Variants in SORCS3 observed in about 807,000 individuals in gnomAD.
SORCS3 encodes the protein sortilin related VPS10 domain containing receptor 3, also known as VPS10 domain-containing receptor SorCS3.
In SORCS3, 57 loss-of-function variants were observed where a neutral mutation model predicts 146.3. That is an observed-to-expected ratio of 0.39 (90% CI 0.31 to 0.49). The LOEUF (loss-of-function observed/expected upper bound fraction) is 0.49. Ranked by LOEUF, SORCS3 falls within the 20% of genes least tolerant of loss-of-function variation. The pLI, the probability that SORCS3 is intolerant of heterozygous loss-of-function variation, is 0.92. For missense variants in SORCS3, 1,341 were observed against 1,575.5 expected (o/e 0.85, Z 2.52); for synonymous variants, 653 against 618.5 (o/e 1.06, Z -0.83).
chr10:104,935,630 AG>A (rs2133614060), intron 3 of SORCS3, among the ~76,000 whole-genome samples: 1 of 152,168 alleles, frequency 6.6e-6, no homozygotes, highest in Admixed American at 6.5e-5. Flanking sequence ...AAGCATTGCA[AG>A]TCACAAGAGG....
intron 1 of SORCS3, among the ~76,000 whole-genome samples, chr10:104,760,235 A>C (rs2017104604): frequency 6.6e-6 from 1 of 152,198 alleles, no homozygotes; most frequent in African/African-American, 2.4e-5. Flanking sequence ...TCAGGGCCAG[A>C]CTGTGAACTT....
chr10:104,902,520 T>C (rs1370261662), intron 2 of SORCS3, among the ~76,000 whole-genome samples: 1 of 152,254 alleles, frequency 6.6e-6, no homozygotes, highest in Non-Finnish European at 1.5e-5. Context: ...ACTTTTTTCC[T>C]TGGCTTCTGC....
At chr10:105,108,712 A>C (rs1483663306) in intron 7 of SORCS3, among the ~76,000 whole-genome samples, 1 of 151,812 alleles carries the variant, frequency 6.6e-6, no homozygotes, top group East Asian at 2.0e-4. Context: ...AATAAACTTG[A>C]GAAAAACATT....
At chr10:104,867,814 G>A (rs1327475918) in intron 2 of SORCS3, among the ~76,000 whole-genome samples, 1 of 152,208 alleles carries the variant, frequency 6.6e-6, no homozygotes, top group Non-Finnish European at 1.5e-5. Flanking sequence ...AGTGAAGATA[G>A]TGTTTGCTGT....
At chr10:105,039,100 T>G (rs1313193204) in intron 4 of SORCS3, among the ~76,000 whole-genome samples, 1 of 152,208 alleles carries the variant, frequency 6.6e-6, no homozygotes, top group Non-Finnish European at 1.5e-5. Flanking sequence ...GTTCAGTTCC[T>G]AGAGCATAGT....
chr10:104,974,288 A>T (rs1345251671), intron 3 of SORCS3, among the ~76,000 whole-genome samples: 2 of 152,158 alleles, frequency 1.3e-5, no homozygotes, highest in South Asian at 4.1e-4. Flanking sequence ...TAATGTTGAC[A>T]GTGGGGTGTT....
At chr10:105,026,591 T>C (rs1404144196) in intron 4 of SORCS3, among the ~76,000 whole-genome samples, 1 of 152,168 alleles carries the variant, frequency 6.6e-6, no homozygotes, top group Non-Finnish European at 1.5e-5. Flanking sequence ...GTCCATCAAC[T>C]GTGGACTGGA....
chr10:104,966,506 TA>T (rs2054827131), intron 3 of SORCS3, among the ~76,000 whole-genome samples: 1 of 152,196 alleles, frequency 6.6e-6, no homozygotes, highest in Non-Finnish European at 1.5e-5. Flanking sequence ...TTTTTATATT[TA>T]GAGAAAAGTC....
chr10:105,167,635 T>C (rs2056324905), intron 13 of SORCS3, among the ~76,000 whole-genome samples: 1 of 152,084 alleles, frequency 6.6e-6, no homozygotes, highest in Non-Finnish European at 1.5e-5. Context: ...CCAAGATCAG[T>C]AATCCAAAAT....
At chr10:105,004,671 A>G (rs574172704) in intron 4 of SORCS3, among the ~76,000 whole-genome samples, 35 of 152,280 alleles carry the variant, frequency 2.3e-4, no homozygotes, top group South Asian at 2.1e-3. Flanking sequence ...TAATGCAGCC[A>G]TATGGGTGAG....
intron 1 of SORCS3, among the ~76,000 whole-genome samples, chr10:104,718,359 C>A (rs937619338): frequency 2.6e-5 from 4 of 152,074 alleles, no homozygotes; most frequent in African/African-American, 9.7e-5. Context: ...CTCACCCTTA[C>A]AATGATGAAC....
chr10:105,181,365 T>G (rs1199849633), intron 14 of SORCS3, among the ~76,000 whole-genome samples: 2 of 152,130 alleles, frequency 1.3e-5, no homozygotes, highest in African/African-American at 4.8e-5. Context: ...CAGAGCAGAC[T>G]GCATATGTGT....
chr10:104,846,880 G>A (rs1414423687), intron 2 of SORCS3, among the ~76,000 whole-genome samples: 4 of 152,184 alleles, frequency 2.6e-5, no homozygotes, highest in Admixed American at 2.0e-4. Flanking sequence ...AGTTACCTGG[G>A]TCATAAGGCT....
At chr10:105,168,712 C>T (rs1000946049) in intron 13 of SORCS3, among the ~76,000 whole-genome samples, 2 of 152,154 alleles carry the variant, frequency 1.3e-5, no homozygotes, top group African/African-American at 4.8e-5. Context: ...AGGATTCTCT[C>T]AATTTGACCA....
At chr10:104,667,023 G>A (rs905934635) in intron 1 of SORCS3, among the ~76,000 whole-genome samples, 6 of 152,098 alleles carry the variant, frequency 3.9e-5, no homozygotes, top group African/African-American at 1.4e-4. Flanking sequence ...AGAGAGAAGA[G>A]AGAGAATATG....
At chr10:105,077,760 T>A (rs790737) in intron 5 of SORCS3, among the ~76,000 whole-genome samples, 114,307 of 152,056 alleles carry the variant, frequency 0.75, 43,129 homozygotes, top group East Asian at 0.84. Flanking sequence ...CCAATCCTAA[T>A]GTCTGGGAAA....
chr10:105,046,370 G>A (rs2055371500), intron 5 of SORCS3, among the ~76,000 whole-genome samples: 1 of 152,076 alleles, frequency 6.6e-6, no homozygotes, highest in Non-Finnish European at 1.5e-5. Flanking sequence ...GATCCTTCAT[G>A]AGTGTCCGGT....
chr10:105,177,449 T>C (rs375233019), intron 13 of SORCS3, among the ~76,000 whole-genome samples: 36 of 152,226 alleles, frequency 2.4e-4, no homozygotes, highest in African/African-American at 8.7e-4. Flanking sequence ...CTTCCACTAG[T>C]TACATCTCTT....
At chr10:105,260,927 T>C (rs1258947715) in intron 25 of SORCS3, among the ~76,000 whole-genome samples, 2 of 152,222 alleles carry the variant, frequency 1.3e-5, no homozygotes, top group Non-Finnish European at 2.9e-5. Flanking sequence ...AGAAGTGATA[T>C]TCTAAAATAA....
Sources: gnomAD v4.1 joint callset for allele counts (sites outside exome capture counted in the v4.1 genomes callset) on GRCh38, gnomAD v4.1.1 for gene constraint, MANE v1.5 for transcripts, NCBI Gene and HGNC (gene_info 2026-07-23, HGNC 2026-07-21) for gene names.